Variants in ATRNL1 observed in about 807,000 individuals in gnomAD.
ATRNL1 encodes the protein attractin-like protein 1.
In ATRNL1, 95 loss-of-function variants were observed where a neutral mutation model predicts 182.7. The observed-to-expected ratio is 0.52, with a 90% CI of 0.44 to 0.62. The LOEUF is 0.62. Among genes scored for constraint, ATRNL1 ranks in the 20% least tolerant of loss-of-function variants. The pLI, the probability that ATRNL1 is intolerant of heterozygous loss-of-function variation, is 0.00. For synonymous variants in ATRNL1, 576 were observed against 568.3 expected (o/e 1.01, Z -0.19); for missense variants, 1,471 against 1,679.5 (o/e 0.88, Z 2.17).
chr10:115,898,650 T>G (rs1952269135), intron 28 of ATRNL1, among the ~76,000 whole-genome samples: 1 of 152,140 alleles, frequency 6.6e-6, no homozygotes, highest in Non-Finnish European at 1.5e-5. Flanking sequence ...AGGTCTCCAC[T>G]CCACTGTTCC....
chr10:115,402,598 T>G (rs1554957258), intron 20 of ATRNL1, among the ~76,000 whole-genome samples: 1 of 152,188 alleles, frequency 6.6e-6, no homozygotes, highest in Non-Finnish European at 1.5e-5. Flanking sequence ...GTTGGTAGAT[T>G]AGTCAAAATT....
chr10:115,429,964 C>A (rs1301975838), intron 21 of ATRNL1, among the ~76,000 whole-genome samples: 2 of 151,968 alleles, frequency 1.3e-5, no homozygotes, highest in African/African-American at 4.8e-5. Flanking sequence ...CCAGCTACTC[C>A]GGAGACTGAG....
At chr10:115,578,238 C>G (rs1854849638) in intron 26 of ATRNL1, among the ~76,000 whole-genome samples, 1 of 151,728 alleles carries the variant, frequency 6.6e-6, no homozygotes, top group Non-Finnish European at 1.5e-5. Flanking sequence ...TCTCTGTCAG[C>G]TTTGATGTCA....
At chr10:115,222,268 T>C (rs1554897619) in intron 9 of ATRNL1, among the ~76,000 whole-genome samples, 2 of 151,610 alleles carry the variant, frequency 1.3e-5, no homozygotes. Flanking sequence ...CAGAAGGAAG[T>C]AAAGAAAGAC....
intron 26 of ATRNL1, among the ~76,000 whole-genome samples, chr10:115,616,919 C>T (rs536964718): frequency 1.3e-5 from 2 of 152,148 alleles, no homozygotes; most frequent in Admixed American, 1.3e-4. Flanking sequence ...CAGTGCAGAG[C>T]GGATATGTCA....
intron 24 of ATRNL1, among the ~76,000 whole-genome samples, chr10:115,479,973 T>A (rs919805006): frequency 1.5e-4 from 23 of 151,334 alleles, no homozygotes; most frequent in African/African-American, 5.6e-4. Flanking sequence ...CAATTCACTA[T>A]TATATCAATC....
At chr10:115,744,856 T>TA (rs1339053316) in intron 27 of ATRNL1, among the ~76,000 whole-genome samples, 3 of 152,300 alleles carry the variant, frequency 2.0e-5, no homozygotes, top group East Asian at 3.9e-4. Context: ...AATTTTTAAA[T>TA]AATGTTAGCT....
At chr10:115,509,695 GTCTTGGGTATT>G (rs1365271791) in intron 24 of ATRNL1, among the ~76,000 whole-genome samples, 1 of 151,878 alleles carries the variant, frequency 6.6e-6, no homozygotes. Context: ...AAATTACCTG[GTCTTGGGTATT>G]TCTTTATAGT....
intron 26 of ATRNL1, among the ~76,000 whole-genome samples, chr10:115,652,744 T>A (rs561507645): frequency 2.0e-5 from 3 of 152,058 alleles, no homozygotes; most frequent in Non-Finnish European, 4.4e-5. Context: ...ATATTATTAA[T>A]CCTAAAAGCC....
intron 18 of ATRNL1, among the ~76,000 whole-genome samples, chr10:115,316,819 T>C (rs1554929867): frequency 6.6e-6 from 1 of 152,242 alleles, no homozygotes; most frequent in Non-Finnish European, 1.5e-5. Context: ...ATTAGACCTA[T>C]GTCAGATGGG....
At chr10:115,670,349 G>C (rs1254074167) in intron 26 of ATRNL1, among the ~76,000 whole-genome samples, 3 of 152,072 alleles carry the variant, frequency 2.0e-5, no homozygotes, top group Non-Finnish European at 2.9e-5. Context: ...ATTAGTTCCA[G>C]TCATTGTTAT....
chr10:115,386,664 T>G (rs919628857), intron 19 of ATRNL1, among the ~76,000 whole-genome samples: 1 of 152,052 alleles, frequency 6.6e-6, no homozygotes, highest in South Asian at 2.1e-4. Flanking sequence ...TTTTTTATTT[T>G]TATTTTATTA....
At chr10:115,568,909 C>T (rs1854222997) in intron 26 of ATRNL1, among the ~76,000 whole-genome samples, 1 of 151,878 alleles carries the variant, frequency 6.6e-6, no homozygotes, top group African/African-American at 2.4e-5. Context: ...ATTCCAATAT[C>T]AACATATGCA....
chr10:115,403,183 C>G (rs1554957369), intron 20 of ATRNL1, among the ~76,000 whole-genome samples: 2 of 150,078 alleles, frequency 1.3e-5, no homozygotes, highest in African/African-American at 2.5e-5. Flanking sequence ...AGAACAGATT[C>G]TGGCACATAC....
chr10:115,120,546 T>G (rs114742716), intron 2 of ATRNL1, among the ~76,000 whole-genome samples: 2,100 of 152,226 alleles, frequency 0.014, 45 homozygotes, highest in African/African-American at 0.047. Context: ...CATCTTGTTA[T>G]GAAATTTGAA....
At chr10:115,836,005 G>A (rs1270543212) in intron 27 of ATRNL1, among the ~76,000 whole-genome samples, 2 of 152,162 alleles carry the variant, frequency 1.3e-5, no homozygotes, top group African/African-American at 4.8e-5. Flanking sequence ...TGAACCTCCT[G>A]CACACATGTC....
At chr10:115,363,008 T>A (rs1856828296) in intron 19 of ATRNL1, among the ~76,000 whole-genome samples, 1 of 152,042 alleles carries the variant, frequency 6.6e-6, no homozygotes. Context: ...TATAGCAGCA[T>A]GATTTACAGT....
chr10:115,189,946 TTACCA>T (rs1848105906), intron 8 of ATRNL1, among the ~76,000 whole-genome samples: 1 of 152,116 alleles, frequency 6.6e-6, no homozygotes, highest in Admixed American at 6.6e-5. Context: ...CACCACACTT[TTACCA>T]TACCTTTTCT....
intron 10 of ATRNL1, among the ~76,000 whole-genome samples, chr10:115,260,218 G>A (rs536406610): frequency 1.3e-4 from 20 of 152,126 alleles, no homozygotes; most frequent in Non-Finnish European, 2.6e-4. Flanking sequence ...AAGAAAACCA[G>A]AACATGACTG....
Sources: gnomAD v4.1 joint callset for allele counts (sites outside exome capture counted in the v4.1 genomes callset) on GRCh38, gnomAD v4.1.1 for gene constraint, MANE v1.5 for transcripts, NCBI Gene and HGNC (gene_info 2026-07-23, HGNC 2026-07-21) for gene names.